The following HOOK2 variants were observed in gnomAD, a reference collection of about 807,000 sequenced individuals.
HOOK2 encodes protein Hook homolog 2.
A neutral mutation model predicts 111.9 loss-of-function variants in HOOK2; 108 were observed. The observed-to-expected ratio is 0.96, with a 90% CI of 0.83 to 1.13. The LOEUF is 1.13. HOOK2 is among the 50% of genes most tolerant of loss of function. The probability of loss-of-function intolerance (pLI) is 0.00; values close to 1 mark genes in which losing one functional copy is unlikely to be tolerated. For synonymous variants in HOOK2, 405 were observed against 394.3 expected (o/e 1.03, Z -0.32); for missense variants, 978 against 951.3 (o/e 1.03, Z -0.37).
At chr19:12,764,667 G>A (rs1248470452) in intron 20 of HOOK2, 147 bp downstream of exon 20, 1 of 697,208 alleles carries the variant, frequency 1.4e-6, no homozygotes, top group East Asian at 2.5e-5. Flanking sequence ...GTAGCAGTGG[G>A]GAATCATGCA....
chr19:12,787,505 G>A (rs1055987978), intron 3 of HOOK2, among the ~76,000 whole-genome samples: 4 of 152,044 alleles, frequency 2.6e-5, no homozygotes, highest in African/African-American at 7.3e-5. Context: ...GGTGGCATGC[G>A]CCTGTAATCC....
chr19:12,771,200 C>A lies in HOOK2; in HGVS notation c.720G>T (p.Leu240=). ...TPGLTAKKLL[L]LQSQLEQLQE... ...GCAACTGCTCCAGCTGGGATTGCAG[C>A]AGCAGCAGCTTCTTGGCAGTGAGAC... The change falls in exon 9 of 23, where the codon CTG becomes CTT. Residue 240 remains leucine, a synonymous_variant. Transcript: ENST00000397668. The A allele has an allele frequency of 6.2e-7, 1 of 1,612,968 alleles. No homozygotes were observed. The highest frequency in any genetic ancestry group is 8.5e-7 in the Non-Finnish European group (1 of 1,179,532).
In HOOK2 at chr19:12,768,056, C is replaced by A. The variant is rs1171771402; in HGVS notation, c.1172G>T (p.Arg391Leu). 1 of 1,614,096 alleles carries A rather than the reference C, an allele frequency of 6.2e-7. No individual in the cohort carries two copies. Among genetic ancestry groups the A allele is most frequent in the Non-Finnish European group, 8.5e-7 (1 of 1,180,032 alleles). The change falls in exon 12 of 23, where the codon CGC becomes CTC. Residue 391 changes from arginine (R) to leucine (L), a missense_variant. Arg to Leu is a moderately radical substitution (Grantham distance 102). Transcript: ENST00000397668. Reference protein sequence around the residue: ...MKAEKWLFECRNLEEKYESVT... With the variant: ...MKAEKWLFECLNLEEKYESVT... ...CGACTCATACTTTTCCTCCAGGTTG[C>A]GGCATTCAAATAGCCATTTCTCGGC... is the stretch of plus-strand genomic sequence containing the variant.
chr19:12,783,306 G>A (rs1473851757), upstream of HOOK2, among the ~76,000 whole-genome samples: 1 of 144,122 alleles, frequency 6.9e-6, no homozygotes, highest in Non-Finnish European at 1.5e-5. Context: ...AGCCAGAGGC[G>A]CCCCCCCCAA....
chr19:12,772,283 C>T (rs369290981), intron 6 of HOOK2, 31 bp from the exon 7 acceptor site: 9 of 1,608,330 alleles, frequency 5.6e-6, no homozygotes, highest in Non-Finnish European at 7.7e-6. Context: ...TTGTAATGAA[C>T]TGGATATCTG....
At chr19:12,775,381 C>T (rs757995093) in intron 1 of HOOK2, 24 bp downstream of exon 1, 5 of 1,609,358 alleles carry the variant, frequency 3.1e-6, no homozygotes, top group Non-Finnish European at 4.2e-6. Context: ...GCTCACCTTC[C>T]CCTAGCCCCG....
At chr19:12,788,861 G>C (rs540235278) in intron 3 of HOOK2, among the ~76,000 whole-genome samples, 1 of 152,298 alleles carries the variant, frequency 6.6e-6, no homozygotes, top group South Asian at 2.1e-4. Flanking sequence ...AGCCTGGGGA[G>C]GGGGAGGGGA....
At chr19:12,783,221 T>TCTGGGGACTTCGCTCTCCG, upstream of HOOK2, among the ~76,000 whole-genome samples, 1 of 151,890 alleles carries the variant, frequency 6.6e-6, no homozygotes, top group Non-Finnish European at 1.5e-5. Flanking sequence ...AGAACCAAGT[T>TCTGGGGACTTCGCTCTCCG]CTGGGGACTT....
At chr19:12,784,151 G>C (rs1968634496) in intron 3 of HOOK2, among the ~76,000 whole-genome samples, 3 of 152,156 alleles carry the variant, frequency 2.0e-5, no homozygotes, top group Admixed American at 1.3e-4. Context: ...AGGAGGGTCA[G>C]CCCCTCCCGG....
At chr19:12,770,898 C>G (rs1476793793) in intron 10 of HOOK2, 34 bp downstream of exon 10, 1 of 1,570,574 alleles carries the variant, frequency 6.4e-7, no homozygotes, top group Middle Eastern at 2.4e-4. Flanking sequence ...ACCCCCCGCC[C>G]CCCGTGATGG....
intron 20 of HOOK2, among the ~76,000 whole-genome samples, chr19:12,764,145 G>A (rs542426905): frequency 4.6e-5 from 7 of 151,934 alleles, no homozygotes; most frequent in African/African-American, 1.7e-4. Context: ...CTCCCGAGTA[G>A]CTGGGATTAC....
chr19:12,773,344 G>C (rs1968396093), intron 3 of HOOK2: 2 of 352,304 alleles, frequency 5.7e-6, no homozygotes, highest in Admixed American at 4.4e-5. Context: ...CGACCTCCTG[G>C]GGTCAAGCAA....
chr19:12,782,957 C>G (rs1275031199), upstream of HOOK2, among the ~76,000 whole-genome samples: 2 of 151,994 alleles, frequency 1.3e-5, no homozygotes, highest in African/African-American at 4.8e-5. Context: ...CCCCGCCCAG[C>G]CATCCTGCTT....
upstream of HOOK2, among the ~76,000 whole-genome samples, chr19:12,782,624 AG>A (rs952561568): frequency 2.6e-5 from 4 of 152,046 alleles, no homozygotes; most frequent in African/African-American, 9.6e-5. Context: ...GGGGGGTGGA[AG>A]GGCGGGAGCT....
chr19:12,772,658 CG>C lies in HOOK2; in HGVS notation c.410del (p.Thr137SerfsTer10). On this transcript the variant is annotated frameshift_variant, in exon 6 of 23. Transcript: ENST00000397668. LOFTEE classifies it high-confidence loss of function. ...CCACATGCTGAACCGATTCTTCCAG[CG>C]TCATGATTCTCTGGATGTGGTCTGG... is the stretch of plus-strand genomic sequence containing the variant. The part of the protein sequence containing the change: ...KKQDHIQRIM[T>X]LEESVQHVVM... The C allele has an allele frequency of 6.2e-6, 10 of 1,614,222 alleles. No individual in the cohort carries two copies. Among genetic ancestry groups the C allele is most frequent in the Non-Finnish European group, 7.6e-6 (9 of 1,180,036 alleles).
Position 12,768,137 on chromosome 19 carries a change from G to T in HOOK2, c.1105-14C>A, listed in dbSNP as rs16978662. The T allele has an allele frequency of 2.5e-6, 4 of 1,610,148 alleles. No homozygotes were observed. The highest frequency in any genetic ancestry group is 3.4e-6 in the Non-Finnish European group (4 of 1,176,688). ...CAGTTCCTGCACCTGAACACAGAGA[G>T]GGGAGGAATAAGGACAGCAGGGCTG... On this transcript the variant is annotated splice_polypyrimidine_tract_variant and intron_variant, in intron 11 of 22. Coordinates refer to ENST00000397668, the MANE Select transcript of HOOK2 (RefSeq NM_013312.3).
rs771417802 is a variant in HOOK2 at position 12,765,023 on chromosome 19, G to C, written c.1699C>G (p.Leu567Val). The C allele has an allele frequency of 1.9e-6, 3 of 1,614,168 alleles. No homozygotes were observed. In the South Asian group the frequency reaches 3.3e-5, roughly 18 times the overall value. ...LQRKREYIEELEPPTDSSTAR... is the reference protein window; with the variant it reads ...LQRKREYIEEVEPPTDSSTAR... ...CTGCTGCTGTCAGTGGGTGGCTCCAGCTCCTCAATGTACTCCCGCTTCCTC... is the reference window on the plus strand; with the variant it reads ...CTGCTGCTGTCAGTGGGTGGCTCCACCTCCTCAATGTACTCCCGCTTCCTC... The change falls in exon 19 of 23, where the codon CTG (leucine) becomes GTG (valine). Residue 567 changes from leucine (L) to valine (V), a missense_variant. Physicochemically the swap from Leu to Val is conservative, Grantham distance 32 (BLOSUM62 1). Coordinates refer to ENST00000397668, the MANE Select transcript of HOOK2 (RefSeq NM_013312.3).
chr19:12,782,876 G>A (rs964726074), upstream of HOOK2, among the ~76,000 whole-genome samples: 1 of 121,070 alleles, frequency 8.3e-6, no homozygotes, highest in African/African-American at 3.8e-5. Context: ...CCTTTCCCAT[G>A]GAGCTGAGAC....
At position 12,768,102 on chromosome 19, in the gene HOOK2, G is replaced by T. The variant is rs377311315; in HGVS notation, c.1126C>A (p.Arg376=). The change falls in exon 12 of 23, where the codon CGG becomes AGG. Residue 376 remains arginine, a synonymous_variant. Coordinates refer to ENST00000397668, the MANE Select transcript of HOOK2 (RefSeq NM_013312.3). ...RRQVQELQGQ[R]QEEAMKAEKW... The stretch of plus-strand genomic sequence containing the variant: ...TCGGCCTTCATGGCCTCCTCCTGCC[G>T]CTGGCCCTGCAGTTCCTGCACCTGA... 3.4e-5 allele frequency: 55 copies of T among 1,613,928 alleles called. No homozygotes were observed. The highest frequency in any genetic ancestry group is 4.6e-5 in the Non-Finnish European group (54 of 1,179,984).
Sources: allele counts gnomAD v4.1 joint callset (sites outside exome capture counted in the v4.1 genomes callset), GRCh38; gene constraint gnomAD v4.1.1; transcripts MANE v1.5; gene names NCBI Gene and HGNC (gene_info 2026-07-23, HGNC 2026-07-21).